WWOX: variants seen among roughly 807,000 people sequenced by gnomAD.
WWOX encodes WW domain-containing oxidoreductase.
In WWOX, 69 loss-of-function variants were observed where a neutral mutation model predicts 46.2. The ratio of observed to expected loss-of-function variants is 1.49; its 90% CI spans 1.23 to 1.82. The LOEUF (loss-of-function observed/expected upper bound fraction) is 1.82, where lower values mean the gene tolerates loss of function less well. WWOX is among the 40% of genes most tolerant of loss of function. The pLI, the probability that WWOX is intolerant of heterozygous loss-of-function variation, is 0.00. For missense variants in WWOX, 919 were observed against 542.6 expected (o/e 1.69, Z -6.89); for synonymous variants, 359 against 202.6 (o/e 1.77, Z -6.56).
chr16:78,119,035 CA>C (rs2032959120), intron 4 of WWOX: 1 of 152,188 alleles, frequency 6.6e-6, no homozygotes, highest in South Asian at 2.1e-4. Flanking sequence ...TCTCAGTATC[CA>C]GGGGGAAGCC....
intron 5 of WWOX, among the ~76,000 whole-genome samples, chr16:78,384,230 C>CT (rs2151931969): frequency 6.6e-6 from 1 of 152,272 alleles, no homozygotes; most frequent in East Asian, 1.9e-4. Context: ...GAATGGCTGC[C>CT]TTTCCTCTTG....
chr16:78,735,097 C>A (rs113368323), intron 8 of WWOX, among the ~76,000 whole-genome samples: 1 of 151,464 alleles, frequency 6.6e-6, no homozygotes, highest in Non-Finnish European at 1.5e-5. Context: ...GAACTCCTGA[C>A]CTCAGATGAT....
intron 6 of WWOX, among the ~76,000 whole-genome samples, chr16:78,423,134 C>T (rs1259772730): frequency 6.6e-6 from 1 of 152,098 alleles, no homozygotes; most frequent in Non-Finnish European, 1.5e-5. Flanking sequence ...ATTTGCCTGC[C>T]TCAGCCTCCC....
chr16:79,015,018 C>T (rs893986913), intron 8 of WWOX, among the ~76,000 whole-genome samples: 1 of 152,142 alleles, frequency 6.6e-6, no homozygotes, highest in Admixed American at 6.6e-5. Flanking sequence ...GGCAGAAATC[C>T]AAGGACTACG....
At chr16:78,430,030 C>A (rs1029008670) in intron 7 of WWOX, among the ~76,000 whole-genome samples, 5 of 152,108 alleles carry the variant, frequency 3.3e-5, no homozygotes, top group South Asian at 2.1e-4. Flanking sequence ...GAAAGACATA[C>A]CCGAGACCGG....
chr16:78,401,049 G>T (rs1482005519), intron 6 of WWOX, among the ~76,000 whole-genome samples: 1 of 152,144 alleles, frequency 6.6e-6, no homozygotes, highest in Non-Finnish European at 1.5e-5. Context: ...CAAACTTCTG[G>T]AATCAAGTGA....
At chr16:78,953,773 G>T (rs374303480) in intron 8 of WWOX, among the ~76,000 whole-genome samples, 25 of 152,298 alleles carry the variant, frequency 1.6e-4, no homozygotes, top group Middle Eastern at 3.4e-3. Flanking sequence ...CGAGCCAGAC[G>T]TTCTGTCTCA....
intron 8 of WWOX, chr16:78,996,393 T>G: frequency 3.9e-6 from 3 of 763,512 alleles, no homozygotes; most frequent in Non-Finnish European, 3.0e-6. Context: ...CCCCCCAGCT[T>G]CCCCACCTGT....
intron 5 of WWOX, among the ~76,000 whole-genome samples, chr16:78,353,023 C>T (rs4630560): frequency 0.71 from 107,276 of 152,098 alleles, 38,674 homozygotes; most frequent in African/African-American, 0.76. Flanking sequence ...GTAATTTATT[C>T]GTCTTTCTTC....
intron 8 of WWOX, among the ~76,000 whole-genome samples, chr16:79,085,248 C>G (rs2048833303): frequency 6.6e-6 from 1 of 152,130 alleles, no homozygotes; most frequent in African/African-American, 2.4e-5. Context: ...GTTGTTTTCT[C>G]TTTCCAAACC....
intron 5 of WWOX, among the ~76,000 whole-genome samples, chr16:78,203,943 A>G (rs2036312270): frequency 6.6e-6 from 1 of 152,194 alleles, no homozygotes; most frequent in South Asian, 2.1e-4. Context: ...GCTGCCTTGA[A>G]TTCTTTCCAA....
At chr16:78,615,018 T>G (rs2045987534) in intron 8 of WWOX, among the ~76,000 whole-genome samples, 1 of 152,164 alleles carries the variant, frequency 6.6e-6, no homozygotes, top group Admixed American at 6.5e-5. Context: ...TCCCTAATCT[T>G]GCTAGAAGGT....
intron 5 of WWOX, among the ~76,000 whole-genome samples, chr16:78,356,382 G>A (rs1222676285): frequency 6.6e-6 from 1 of 151,974 alleles, no homozygotes; most frequent in East Asian, 1.9e-4. Flanking sequence ...AAGATTCAAA[G>A]CCTTCTTCTA....
chr16:79,138,809 A>G (rs1014680901), intron 8 of WWOX, among the ~76,000 whole-genome samples: 15 of 152,192 alleles, frequency 9.9e-5, no homozygotes, highest in Non-Finnish European at 2.1e-4. Context: ...ATGCAGGCCC[A>G]CAGTAGGGAC....
At chr16:78,898,014 C>G (rs201115678) in intron 8 of WWOX, 2 of 151,482 alleles carry the variant, frequency 1.3e-5, no homozygotes, top group Non-Finnish European at 2.9e-5. Context: ...ATTAGATAGT[C>G]TTTTTAATAT....
chr16:78,610,485 C>A (rs750394647), intron 8 of WWOX, among the ~76,000 whole-genome samples: 1 of 152,162 alleles, frequency 6.6e-6, no homozygotes, highest in African/African-American at 2.4e-5. Context: ...ACCTACAATA[C>A]TCATTCCTTT....
At position 78,346,680 on chromosome 16, in the gene WWOX, G is replaced by T. The variant is rs1222401265; in HGVS notation, c.517-40180G>T. 5.9e-5 allele frequency among the ~76,000 whole-genome samples: 7 copies of T among 118,942 alleles called. 2 individuals are homozygous for T. The highest frequency in any genetic ancestry group is 2.0e-4 in the African/African-American group (7 of 35,134). The allele number at this position is 118,942 out of a possible 152,430, so 78.0% of individuals were successfully genotyped here. On this transcript the variant is annotated intron_variant, in intron 5 of 8. Transcript: ENST00000566780. The stretch of plus-strand genomic sequence containing the variant: ...TAATGATTTTGAACATGAAAACTAT[G>T]CTTATTGCTCATATCTATGTTATTT...
At chr16:78,438,180 C>G (rs116396766) in intron 8 of WWOX, among the ~76,000 whole-genome samples, 1,988 of 152,232 alleles carry the variant, frequency 0.013, 42 homozygotes, top group African/African-American at 0.046. Context: ...TCATTAATTT[C>G]TCATAATTTC....
chr16:78,924,215 T>G (rs1164895474), intron 8 of WWOX, among the ~76,000 whole-genome samples: 1 of 152,122 alleles, frequency 6.6e-6, no homozygotes, highest in Non-Finnish European at 1.5e-5. Flanking sequence ...TGAAGCTTGG[T>G]CTTGAAGCTG....
Sources: gnomAD v4.1 joint callset for allele counts (sites outside exome capture counted in the v4.1 genomes callset) on GRCh38, gnomAD v4.1.1 for gene constraint, MANE v1.5 for transcripts, NCBI Gene and HGNC (gene_info 2026-07-23, HGNC 2026-07-21) for gene names.